Variants in ME1 observed in about 807,000 individuals in gnomAD.
ME1 encodes NADP-dependent malic enzyme.
In ME1, 74 loss-of-function variants were observed where a neutral mutation model predicts 66.4. That is an observed-to-expected ratio of 1.11 (90% CI 0.92 to 1.35). ME1 has a LOEUF of 1.35. Among genes scored for constraint, ME1 ranks in the 40% most tolerant of loss-of-function variants. The pLI is 0.00. For synonymous variants in ME1, 251 were observed against 235.6 expected (o/e 1.07, Z -0.60); for missense variants, 750 against 694.1 (o/e 1.08, Z -0.90).
At chr6:83,386,099 G>A (rs1282045655) in intron 3 of ME1, among the ~76,000 whole-genome samples, 4 of 151,376 alleles carry the variant, frequency 2.6e-5, no homozygotes, top group Admixed American at 1.3e-4. Flanking sequence ...CAGTTTCAAG[G>A]GAAATGAAAT....
intron 6 of ME1, among the ~76,000 whole-genome samples, chr6:83,298,678 C>A (rs992492999): frequency 2.0e-5 from 3 of 151,944 alleles, no homozygotes; most frequent in African/African-American, 7.2e-5. Context: ...AGATTTTCTT[C>A]TAGGGTTTTT....
chr6:83,380,712 T>C (rs1018741666), intron 3 of ME1, among the ~76,000 whole-genome samples: 7 of 152,072 alleles, frequency 4.6e-5, no homozygotes, highest in African/African-American at 1.7e-4. Flanking sequence ...TAAGTGGAAG[T>C]AGTTGTTTGC....
intron 7 of ME1, among the ~76,000 whole-genome samples, chr6:83,247,647 C>T (rs1790649021): frequency 6.6e-6 from 1 of 151,956 alleles, no homozygotes; most frequent in South Asian, 2.1e-4. Flanking sequence ...ATTTCTGTGC[C>T]TGCAGAGAGG....
chr6:83,284,843 T>C (rs1256166076), intron 6 of ME1, among the ~76,000 whole-genome samples: 1 of 152,180 alleles, frequency 6.6e-6, no homozygotes, highest in African/African-American at 2.4e-5. Flanking sequence ...CTGCAAGTCC[T>C]AGCCAGATCA....
intron 9 of ME1, among the ~76,000 whole-genome samples, chr6:83,233,804 T>C (rs978031590): frequency 1.3e-5 from 2 of 151,976 alleles, no homozygotes; most frequent in African/African-American, 2.4e-5. Context: ...AAAAGAATCA[T>C]GTAAATTTGA....
chr6:83,348,635 A>C (rs560674820), intron 4 of ME1, among the ~76,000 whole-genome samples: 2 of 151,698 alleles, frequency 1.3e-5, no homozygotes, highest in Non-Finnish European at 1.5e-5. Context: ...ATAACTTTTC[A>C]CTTATTTTTG....
intron 6 of ME1, among the ~76,000 whole-genome samples, chr6:83,261,939 A>G (rs1324477791): frequency 6.8e-6 from 1 of 146,520 alleles, no homozygotes; most frequent in Non-Finnish European, 1.5e-5. Context: ...ACTTGAACCC[A>G]GGTGGTGGAG....
chr6:83,308,721 G>A (rs752533690), intron 6 of ME1, among the ~76,000 whole-genome samples: 9 of 150,086 alleles, frequency 6.0e-5, no homozygotes, highest in Admixed American at 2.0e-4. Context: ...TGGCAGTGGA[G>A]GAAAAAGAAA....
intron 6 of ME1, among the ~76,000 whole-genome samples, chr6:83,264,960 G>C (rs1766962854): frequency 6.6e-6 from 1 of 152,166 alleles, no homozygotes; most frequent in South Asian, 2.1e-4. Flanking sequence ...TTCTACTGTG[G>C]ATATAATGCT....
At chr6:83,251,367 C>T (rs1314850466) in intron 7 of ME1, among the ~76,000 whole-genome samples, 10 of 151,862 alleles carry the variant, frequency 6.6e-5, no homozygotes, top group African/African-American at 2.4e-4. Flanking sequence ...CAGTGGCACG[C>T]ACCTGTAATC....
chr6:83,302,933 A>G (rs1334284989), intron 6 of ME1, among the ~76,000 whole-genome samples: 1 of 152,166 alleles, frequency 6.6e-6, no homozygotes, highest in East Asian at 1.9e-4. Context: ...ACTTATTAAT[A>G]TGATCCTAAA....
rs536377331 is a variant in ME1, at chr6:83,388,797, T to C, written c.362+9570A>G. Among the ~76,000 whole-genome samples the C allele has an allele frequency of 1.1e-4, 17 of 152,268 alleles. No individual in the cohort carries two copies. In the South Asian group the frequency reaches 3.3e-3, roughly 30 times the overall value. On this transcript the variant is annotated intron_variant, in intron 3 of 13. Coordinates refer to ENST00000369705, the MANE Select transcript of ME1 (RefSeq NM_002395.6). ...AAACTGTTGTATTAGCTCATTCTGT[T>C]TGCCAAAATCAAATCAGTGGTGCCC...
At position 83,332,056 on chromosome 6, in the gene ME1, G is replaced by A. The variant is rs537879197; in HGVS notation, c.600+14117C>T. Among the ~76,000 whole-genome samples the A allele has an allele frequency of 5.3e-5, 8 of 152,152 alleles. 1 individual carries two copies. In the South Asian group the frequency reaches 8.3e-4, roughly 16 times the overall value. On this transcript the variant is annotated intron_variant, in intron 5 of 13. Coordinates refer to ENST00000369705, the MANE Select transcript of ME1 (RefSeq NM_002395.6). ...ATGTTCTAAAGAAAATTTACTTCAC[G>A]TAACAAGTAAACTTTATATAGCAAC...
At chr6:83,390,355 TG>T (rs1340866287) in intron 3 of ME1, among the ~76,000 whole-genome samples, 5 of 152,206 alleles carry the variant, frequency 3.3e-5, no homozygotes, top group Non-Finnish European at 4.4e-5. Flanking sequence ...ACTTTCTGAA[TG>T]TCTTAAAATA....
At chr6:83,411,225 G>A (rs1233071580) in intron 1 of ME1, among the ~76,000 whole-genome samples, 1 of 152,116 alleles carries the variant, frequency 6.6e-6, no homozygotes, top group Non-Finnish European at 1.5e-5. Flanking sequence ...TTAGCCGGGC[G>A]TGGTGGCATG....
At chr6:83,363,016 C>A (rs755090246) in intron 3 of ME1, among the ~76,000 whole-genome samples, 1 of 152,100 alleles carries the variant, frequency 6.6e-6, no homozygotes, top group African/African-American at 2.4e-5. Context: ...TACTTTGCAG[C>A]GCTGAGGCAA....
intron 3 of ME1, among the ~76,000 whole-genome samples, chr6:83,357,806 A>C (rs1168323259): frequency 4.0e-5 from 6 of 150,642 alleles, no homozygotes; most frequent in African/African-American, 1.5e-4. Flanking sequence ...CAAGTTCTTC[A>C]GCTTTGGAAC....
intron 3 of ME1, among the ~76,000 whole-genome samples, chr6:83,361,622 G>A (rs991049967): frequency 4.6e-5 from 7 of 152,198 alleles, no homozygotes; most frequent in Non-Finnish European, 1.0e-4. Flanking sequence ...GGCCTCTAGG[G>A]TTTTAGGGCA....
intron 1 of ME1, among the ~76,000 whole-genome samples, chr6:83,427,443 C>T (rs886488494): frequency 2.6e-5 from 4 of 152,098 alleles, no homozygotes; most frequent in African/African-American, 9.7e-5. Flanking sequence ...CAAGCTTAAA[C>T]CACATTTCAA....
Sources: allele counts gnomAD v4.1 joint callset (sites outside exome capture counted in the v4.1 genomes callset), GRCh38; gene constraint gnomAD v4.1.1; transcripts MANE v1.5; gene names NCBI Gene and HGNC (gene_info 2026-07-23, HGNC 2026-07-21).